CHCHD3: variants seen among roughly 807,000 people sequenced by gnomAD.
The protein encoded by CHCHD3 is coiled-coil-helix-coiled-coil-helix domain containing 3, also known as MICOS complex subunit MIC19.
In CHCHD3, 20 loss-of-function variants were observed where a neutral mutation model predicts 38.2. That is an observed-to-expected ratio of 0.52 (90% confidence interval 0.37 to 0.76). The LOEUF is 0.76. Among genes scored for constraint, CHCHD3 ranks in the 30% least tolerant of loss-of-function variants. The probability of loss-of-function intolerance (pLI) is 0.00; values close to 1 mark genes in which losing one functional copy is unlikely to be tolerated. For missense variants in CHCHD3, 245 were observed against 279.2 expected (o/e 0.88, Z 0.87); for synonymous variants, 82 against 100.0 (o/e 0.82, Z 1.07).
chr7:132,944,353 G>A (rs111872701), intron 4 of CHCHD3, among the ~76,000 whole-genome samples: 4 of 151,534 alleles, frequency 2.6e-5, no homozygotes, highest in African/African-American at 7.3e-5. Flanking sequence ...GAGAGCAGGA[G>A]TGCAGATTGG....
intron 7 of CHCHD3, among the ~76,000 whole-genome samples, chr7:132,791,277 A>G (rs1359196055): frequency 1.3e-5 from 2 of 152,170 alleles, no homozygotes; most frequent in African/African-American, 4.8e-5. Flanking sequence ...ATGCTCACCC[A>G]CATCTGAGAT....
rs906972093 is a variant in CHCHD3, at chr7:133,011,427, G to C, written c.251+13119C>G. On this transcript the variant is annotated intron_variant, in intron 3 of 7. Coordinates refer to ENST00000262570, the MANE Select transcript of CHCHD3 (RefSeq NM_017812.4). The stretch of plus-strand genomic sequence containing the variant: ...TGAGAAATGGTAATGGCTTACACCA[G>C]GGTTTCTCGGCCTCGGAGCTATATC... Among the ~76,000 whole-genome samples the C allele has an allele frequency of 3.9e-5, 6 of 152,328 alleles. No individual in the cohort carries two copies. In the East Asian group the frequency reaches 1.2e-3, roughly 29 times the overall value.
chr7:132,834,992 A>T (rs1252609411), intron 6 of CHCHD3, among the ~76,000 whole-genome samples: 2 of 150,388 alleles, frequency 1.3e-5, no homozygotes, highest in Admixed American at 6.6e-5. Context: ...TTATTTAGAG[A>T]CAGGGTCTTG....
At chr7:133,038,411 C>T (rs77498227) in intron 2 of CHCHD3, among the ~76,000 whole-genome samples, 2,247 of 152,230 alleles carry the variant, frequency 0.015, 53 homozygotes, top group African/African-American at 0.051. Flanking sequence ...TGTAATTGAA[C>T]ACAATGAGAT....
chr7:132,866,597 G>A (rs530156171), intron 5 of CHCHD3, among the ~76,000 whole-genome samples: 19 of 152,262 alleles, frequency 1.2e-4, no homozygotes, highest in African/African-American at 4.3e-4. Context: ...ACTGGATAAG[G>A]AATTTTTAAA....
At chr7:132,973,689 G>C (rs369431398) in intron 4 of CHCHD3, 10 of 1,030,194 alleles carry the variant, frequency 9.7e-6, no homozygotes, top group African/African-American at 1.7e-5. Flanking sequence ...GATTCATTAC[G>C]CATGGACTTC....
rs986831414 is a variant in CHCHD3, at chr7:132,988,450, TAC to T, written c.252-13166_252-13165del. On this transcript the variant is annotated intron_variant, in intron 3 of 7. Coordinates refer to ENST00000262570, the MANE Select transcript of CHCHD3 (RefSeq NM_017812.4). ...TCAAAATATATTTTGAAAGAATGAA[TAC>T]AGAGTGTGAGCATATTTTTATAAAT... Among the ~76,000 whole-genome samples the T allele has an allele frequency of 5.4e-4, 82 of 152,182 alleles. 3 individuals carry two copies. The highest frequency in any genetic ancestry group is 7.3e-5 in the Non-Finnish European group (5 of 68,030).
At chr7:132,878,667 CAG>C (rs1201393923) in intron 5 of CHCHD3, among the ~76,000 whole-genome samples, 1 of 152,070 alleles carries the variant, frequency 6.6e-6, no homozygotes, top group Non-Finnish European at 1.5e-5. Context: ...TGCTGAAATC[CAG>C]AGGTGTCTGA....
chr7:132,941,423 T>C (rs1810763739), intron 4 of CHCHD3, among the ~76,000 whole-genome samples: 1 of 152,038 alleles, frequency 6.6e-6, no homozygotes, highest in South Asian at 2.1e-4. Flanking sequence ...AACAATGGCT[T>C]TCCTTGTCCT....
chr7:133,020,774 G>C (rs938532296), intron 3 of CHCHD3, among the ~76,000 whole-genome samples: 1 of 152,148 alleles, frequency 6.6e-6, no homozygotes. Context: ...CCGAGGTTTT[G>C]ACGGCATAGA....
intron 2 of CHCHD3, among the ~76,000 whole-genome samples, chr7:133,055,318 T>C (rs1814286768): frequency 6.8e-6 from 1 of 146,056 alleles, no homozygotes; most frequent in Non-Finnish European, 1.5e-5. Flanking sequence ...GTTGAATATA[T>C]TATATATAAT....
At chr7:132,898,041 C>T (rs1196906657) in intron 4 of CHCHD3, among the ~76,000 whole-genome samples, 1 of 151,384 alleles carries the variant, frequency 6.6e-6, no homozygotes, top group Non-Finnish European at 1.5e-5. Flanking sequence ...CTTAAGGCGG[C>T]GTGTCTGGAG....
chr7:132,836,682 C>A (rs1807790637), intron 6 of CHCHD3, among the ~76,000 whole-genome samples: 1 of 151,938 alleles, frequency 6.6e-6, no homozygotes, highest in African/African-American at 2.4e-5. Context: ...ACTATGTTGA[C>A]CAGGCTGGTT....
chr7:133,060,747 A>G (rs1814481195), intron 2 of CHCHD3, among the ~76,000 whole-genome samples: 1 of 152,168 alleles, frequency 6.6e-6, no homozygotes, highest in Admixed American at 6.5e-5. Context: ...CATGTCTACT[A>G]AAAATACAAA....
Position 132,932,606 on chromosome 7 carries a change from G to A in CHCHD3, c.369+42563C>T, listed in dbSNP as rs375874512. On this transcript the variant is annotated intron_variant, in intron 4 of 7. Coordinates refer to ENST00000262570, the MANE Select transcript of CHCHD3 (RefSeq NM_017812.4). ...GTGAGGATTCACAAGTTAAGCTGCC[G>A]CACACAGGGCCTTCACGTCAAAGGC... Among the ~76,000 whole-genome samples, 106 of 152,266 alleles carry A rather than the reference G, an allele frequency of 7.0e-4. No individual in the cohort carries two copies. In the South Asian group the frequency reaches 7.7e-3, roughly 11 times the overall value.
chr7:132,820,296 G>T (rs980635544), intron 6 of CHCHD3, among the ~76,000 whole-genome samples: 22 of 152,264 alleles, frequency 1.4e-4, no homozygotes, highest in African/African-American at 5.1e-4. Flanking sequence ...AAGCTTCATT[G>T]TTCTCTTCAT....
chr7:132,976,936 TA>T lies in CHCHD3; in HGVS notation c.252-1651del, dbSNP rs374595094. Among the ~76,000 whole-genome samples, 1,055 of 150,618 alleles carry T rather than the reference TA, an allele frequency of 7.0e-3. 14 individuals are homozygous for T. Among genetic ancestry groups the T allele is most frequent in the African/African-American group, 0.024 (999 of 41,110 alleles). On this transcript the variant is annotated intron_variant, in intron 3 of 7. Coordinates refer to ENST00000262570, the MANE Select transcript of CHCHD3 (RefSeq NM_017812.4). ...AAGCTGTGTAGTTTTGTGTCTTAAA[TA>T]AAAAAAAAGAGGACTAGAAACAAGT...
chr7:132,875,924 T>C (rs1808885924), intron 5 of CHCHD3, among the ~76,000 whole-genome samples: 1 of 152,246 alleles, frequency 6.6e-6, no homozygotes. Flanking sequence ...TGTTATGAGC[T>C]AATATTATTT....
chr7:133,024,455 T>C (rs2117442180), intron 3 of CHCHD3, 91 bp downstream of exon 3: 4 of 981,490 alleles, frequency 4.1e-6, no homozygotes, highest in Non-Finnish European at 6.5e-6. Context: ...CATACACAAA[T>C]AATGAGACTT....
Sources: gnomAD v4.1 joint callset for allele counts (sites outside exome capture counted in the v4.1 genomes callset) on GRCh38, gnomAD v4.1.1 for gene constraint, MANE v1.5 for transcripts, NCBI Gene and HGNC (gene_info 2026-07-23, HGNC 2026-07-21) for gene names.